DZIP3: variants seen among roughly 807,000 people sequenced by gnomAD.
DZIP3 encodes DAZ interacting zinc finger protein 3.
DZIP3 carries 118 observed loss-of-function variants against 162.0 expected under a neutral mutation model. The ratio of observed to expected loss-of-function variants is 0.73; its 90% CI spans 0.63 to 0.85. The LOEUF is 0.85. Among genes scored for constraint, DZIP3 ranks in the 40% least tolerant of loss-of-function variants. DZIP3 has a pLI of 0.00. For synonymous variants in DZIP3, 438 were observed against 458.6 expected (o/e 0.96, Z 0.57); for missense variants, 1,331 against 1,407.0 (o/e 0.95, Z 0.86).
intron 1 of DZIP3, among the ~76,000 whole-genome samples, chr3:108,600,346 ATT>A (rs11328757): frequency 0.014 from 2,114 of 148,968 alleles, 52 homozygotes; most frequent in African/African-American, 0.049. Context: ...TTGTAATAGC[ATT>A]TTTTTTTTTT....
intron 22 of DZIP3, among the ~76,000 whole-genome samples, chr3:108,670,801 T>G (rs1370793205): frequency 6.6e-6 from 1 of 151,960 alleles, no homozygotes; most frequent in East Asian, 1.9e-4. Context: ...ACTTGTTAGA[T>G]TACGTCTTTA....
chr3:108,625,611 A>G (rs1941556612), intron 6 of DZIP3, among the ~76,000 whole-genome samples: 1 of 152,178 alleles, frequency 6.6e-6, no homozygotes, highest in African/African-American at 2.4e-5. Context: ...TCACTTTGAA[A>G]TATTGGTTAA....
At chr3:108,596,807 C>T (rs1939736617) in intron 1 of DZIP3, among the ~76,000 whole-genome samples, 1 of 152,052 alleles carries the variant, frequency 6.6e-6, no homozygotes, top group Non-Finnish European at 1.5e-5. Flanking sequence ...CTTCATGGGG[C>T]TTATATTCTA....
At position 108,667,358 on chromosome 3, in the gene DZIP3, C is replaced by G. The variant is rs143300663; in HGVS notation, c.2424-2323C>G. ...CAAATACTACAAACACTGCAGACAT[C>G]AGAAGATTATGCTGATTGAAAAAAG... On this transcript the variant is annotated intron_variant, in intron 21 of 32. Transcript: ENST00000361582. Among the ~76,000 whole-genome samples the G allele has an allele frequency of 5.9e-5, 9 of 152,156 alleles. No individual in the cohort carries two copies. The East Asian group carries it at 1.7e-3, about 29-fold the overall frequency.
chr3:108,682,933 TCAAA>T (rs1478024515), intron 26 of DZIP3, among the ~76,000 whole-genome samples: 2 of 150,956 alleles, frequency 1.3e-5, no homozygotes, highest in African/African-American at 2.5e-5. Flanking sequence ...ATAGTGGTTC[TCAAA>T]CAGAGCAGGA....
intron 32 of DZIP3, among the ~76,000 whole-genome samples, chr3:108,692,398 C>A (rs1207403198): frequency 6.6e-6 from 1 of 152,104 alleles, no homozygotes; most frequent in Non-Finnish European, 1.5e-5. Flanking sequence ...CAGGCTTCTA[C>A]ACTAACATAA....
chr3:108,661,675 A>G (rs1943443003), intron 19 of DZIP3, among the ~76,000 whole-genome samples: 2 of 152,158 alleles, frequency 1.3e-5, no homozygotes, highest in Admixed American at 1.3e-4. Flanking sequence ...CGGTAGTGGT[A>G]TCCAGCAGCA....
At chr3:108,672,878 A>G (rs1172158492) in intron 23 of DZIP3, among the ~76,000 whole-genome samples, 1 of 151,922 alleles carries the variant, frequency 6.6e-6, no homozygotes, top group Non-Finnish European at 1.5e-5. Flanking sequence ...TTTTCTGCCA[A>G]TGACTTGAAG....
At chr3:108,684,066 CAT>C in intron 26 of DZIP3, 148 bp from the exon 27 acceptor site, 1 of 768,112 alleles carries the variant, frequency 1.3e-6, no homozygotes, top group South Asian at 2.9e-5. Context: ...CATTTTCTGA[CAT>C]ACATTGTTTC....
chr3:108,679,590 A>G (rs149019184), intron 26 of DZIP3, among the ~76,000 whole-genome samples: 1 of 152,236 alleles, frequency 6.6e-6, no homozygotes, highest in East Asian at 1.9e-4. Context: ...AGTTTGGGAG[A>G]AGAGCACCTA....
At chr3:108,672,336 G>C (rs1182352620) in intron 22 of DZIP3, among the ~76,000 whole-genome samples, 1 of 151,910 alleles carries the variant, frequency 6.6e-6, no homozygotes, top group African/African-American at 2.4e-5. Context: ...TCACAGCTAA[G>C]TTTTAAATCA....
intron 5 of DZIP3, 90 bp downstream of exon 5, chr3:108,616,747 G>A (rs1941039815): frequency 2.3e-6 from 2 of 880,936 alleles, no homozygotes; most frequent in African/African-American, 1.7e-5. Flanking sequence ...ATTTTAAGGT[G>A]TGGGCCAATT....
chr3:108,645,181 A>AT (rs886698940), intron 14 of DZIP3, among the ~76,000 whole-genome samples: 2 of 152,098 alleles, frequency 1.3e-5, no homozygotes, highest in African/African-American at 4.8e-5. Context: ...ATTCAAGAGG[A>AT]TTTTTTTGTC....
At position 108,672,662 on chromosome 3, in the gene DZIP3, A is replaced by G. The variant is rs752512612; in HGVS notation, c.2589+6A>G. 7 of 1,610,460 alleles carry G rather than the reference A, an allele frequency of 4.3e-6. No individual in the cohort carries two copies. Among genetic ancestry groups the G allele is most frequent in the South Asian group, 2.2e-5 (2 of 90,896 alleles). On this transcript the variant is annotated splice_donor_region_variant and intron_variant, in intron 23 of 32. Coordinates refer to ENST00000361582, the MANE Select transcript of DZIP3 (RefSeq NM_014648.4). ...GCAGAGCTTTAACAGCCGAGGTAACAACAAAACGGGGACAGGGGTATGGGG... is the reference window on the plus strand; with the variant it reads ...GCAGAGCTTTAACAGCCGAGGTAACGACAAAACGGGGACAGGGGTATGGGG...
At chr3:108,674,279 C>A in intron 24 of DZIP3, 98 bp downstream of exon 24, 1 of 983,786 alleles carries the variant, frequency 1.0e-6, no homozygotes, top group Non-Finnish European at 1.5e-6. Context: ...ACATATGTGA[C>A]ATCAGAGTTC....
chr3:108,644,318 G>A lies in DZIP3; in HGVS notation c.1296G>A (p.Leu432=). The A allele has an allele frequency of 6.2e-7, 1 of 1,614,018 alleles. No homozygotes were observed. ...AGCTTCTTATACACAAGAATGTGCT[G>A]GAATCCTACTACAACCATCTTTGGA... ...KKELLIHKNV[L]ESYYNHLWTN... Residue 432 remains leucine (L), a synonymous_variant, in exon 14 of 33, where the codon CTG becomes CTA. Transcript: ENST00000361582.
chr3:108,620,510 G>C (rs1048066049), intron 5 of DZIP3, among the ~76,000 whole-genome samples: 7 of 152,140 alleles, frequency 4.6e-5, no homozygotes, highest in Non-Finnish European at 7.4e-5. Flanking sequence ...GGCTTGTATA[G>C]TTCTGTGCCA....
chr3:108,614,086 A>G (rs922173166), intron 4 of DZIP3, among the ~76,000 whole-genome samples: 2 of 152,258 alleles, frequency 1.3e-5, no homozygotes, highest in South Asian at 2.1e-4. Context: ...ATGGAAGAAC[A>G]GCAAATTAAA....
At chr3:108,651,486 C>T (rs941088447) in intron 18 of DZIP3, among the ~76,000 whole-genome samples, 2 of 151,366 alleles carry the variant, frequency 1.3e-5, no homozygotes, top group Admixed American at 6.6e-5. Context: ...TAGACCAAAC[C>T]TCAACTAAGA....
Sources: allele counts gnomAD v4.1 joint callset (sites outside exome capture counted in the v4.1 genomes callset), GRCh38; gene constraint gnomAD v4.1.1; transcripts MANE v1.5; gene names NCBI Gene and HGNC (gene_info 2026-07-23, HGNC 2026-07-21).